Variants in SLC5A11 observed in about 807,000 individuals in gnomAD.
SLC5A11 encodes solute carrier family 5 member 11.
A neutral mutation model predicts 69.8 loss-of-function variants in SLC5A11; 48 were observed. The ratio of observed to expected loss-of-function variants is 0.69; its 90% confidence interval spans 0.55 to 0.87. The LOEUF (loss-of-function observed/expected upper bound fraction) is 0.87, where lower values mean the gene tolerates loss of function less well. SLC5A11 is among the 40% of genes least tolerant of loss of function. The pLI is 0.00. For missense variants in SLC5A11, 784 were observed against 866.1 expected (o/e 0.91, Z 1.19); for synonymous variants, 319 against 342.4 (o/e 0.93, Z 0.75).
At chr16:24,884,939 C>T (rs948046813) in intron 8 of SLC5A11, among the ~76,000 whole-genome samples, 3 of 151,972 alleles carry the variant, frequency 2.0e-5, no homozygotes, top group Non-Finnish European at 4.4e-5. Context: ...GATGGGGTTT[C>T]GTCATGTTGC....
chr16:24,860,789 T>C (rs2059735616), intron 2 of SLC5A11, among the ~76,000 whole-genome samples: 3 of 152,106 alleles, frequency 2.0e-5, no homozygotes, highest in East Asian at 1.9e-4. Flanking sequence ...CACTGCAAGC[T>C]CCACCTCCCA....
At chr16:24,902,331 A>T (rs972397270) in intron 10 of SLC5A11, among the ~76,000 whole-genome samples, 5 of 150,880 alleles carry the variant, frequency 3.3e-5, no homozygotes, top group Non-Finnish European at 7.4e-5. Context: ...TTAAGGGGGA[A>T]AAAAAAAAGG....
At chr16:24,907,863 G>A in intron 12 of SLC5A11, 100 bp from the exon 14 acceptor site, 2 of 1,504,478 alleles carry the variant, frequency 1.3e-6, no homozygotes, top group Non-Finnish European at 1.8e-6. Context: ...CCCGGCCTTG[G>A]CAACAGAACA....
At chr16:24,891,888 A>G (rs1233591900) in intron 9 of SLC5A11, among the ~76,000 whole-genome samples, 1 of 151,940 alleles carries the variant, frequency 6.6e-6, no homozygotes, top group East Asian at 1.9e-4. Flanking sequence ...TTTGATAAAT[A>G]TCATTTTAAA....
At chr16:24,848,646 C>T (rs1254728187) in intron 1 of SLC5A11, among the ~76,000 whole-genome samples, 1 of 152,090 alleles carries the variant, frequency 6.6e-6, no homozygotes, top group Non-Finnish European at 1.5e-5. Context: ...TTGGCATGTA[C>T]CTGTGGTCCC....
chr16:24,848,250 C>A (rs2059114971), intron 1 of SLC5A11, among the ~76,000 whole-genome samples: 1 of 152,090 alleles, frequency 6.6e-6, no homozygotes, highest in Admixed American at 6.6e-5. Context: ...ATGTTTTGAG[C>A]AGGAAAATGA....
exon 13 of SLC5A11, chr16:24,908,031 G>A: frequency 6.2e-7 from 1 of 1,613,674 alleles, no homozygotes; most frequent in Non-Finnish European, 8.5e-7. Flanking sequence ...AGCCAGGGCG[G>A]CCAGCTCTTC....
intron 7 of SLC5A11, among the ~76,000 whole-genome samples, chr16:24,883,583 G>T (rs553216608): frequency 6.6e-6 from 1 of 152,166 alleles, no homozygotes; most frequent in Non-Finnish European, 1.5e-5. Context: ...ATTATAGTTC[G>T]GTGTTAGGTG....
chr16:24,873,247 G>GAGGGAGGA (rs1183412615), intron 5 of SLC5A11, among the ~76,000 whole-genome samples: 110 of 101,480 alleles, frequency 1.1e-3, no homozygotes, highest in African/African-American at 2.2e-3. Flanking sequence ...GAGAGGGAGG[G>GAGGGAGGA]AGGAAGGAAG....
At chr16:24,880,289 A>G (rs767751483) in intron 7 of SLC5A11, among the ~76,000 whole-genome samples, 2 of 152,212 alleles carry the variant, frequency 1.3e-5, no homozygotes, top group African/African-American at 4.8e-5. Context: ...ACGTCCTACC[A>G]TGATGGAGCC....
chr16:24,891,730 A>T (rs2152374455), intron 9 of SLC5A11, among the ~76,000 whole-genome samples: 1 of 152,240 alleles, frequency 6.6e-6, no homozygotes, highest in South Asian at 2.1e-4. Flanking sequence ...ACAAATACAC[A>T]CTGGGTGTCC....
chr16:24,864,444 T>C (rs2046792934), intron 3 of SLC5A11, among the ~76,000 whole-genome samples: 1 of 152,130 alleles, frequency 6.6e-6, no homozygotes, highest in South Asian at 2.1e-4. Context: ...AAGAAAGTCA[T>C]GAAACAAACA....
intron 10 of SLC5A11, among the ~76,000 whole-genome samples, chr16:24,901,574 C>T (rs978692993): frequency 4.6e-5 from 7 of 151,934 alleles, no homozygotes. Context: ...ATGATCAGTG[C>T]ACTCCAGCCT....
In SLC5A11 at chr16:24,875,604, G is replaced by A. The variant is rs376126414; in HGVS notation, c.373-23G>A. The A allele has an allele frequency of 3.1e-5, 49 of 1,606,554 alleles. No individual in the cohort carries two copies. In the East Asian group the frequency reaches 1.0e-3, roughly 34 times the overall value. On this transcript the variant is annotated intron_variant, in intron 5 of 15. Coordinates refer to ENST00000347898, the Ensembl canonical transcript of SLC5A11. Reference sequence around the variant, plus strand: ...GCTGGTGGTGAAGTCCGCTGGTGGTGAAATCTCAGCTCTGGCCCTCAGGTC... The same window carrying A: ...GCTGGTGGTGAAGTCCGCTGGTGGTAAAATCTCAGCTCTGGCCCTCAGGTC...
At chr16:24,855,084 C>T (rs2059469169) in intron 1 of SLC5A11, among the ~76,000 whole-genome samples, 1 of 152,076 alleles carries the variant, frequency 6.6e-6, no homozygotes, top group Non-Finnish European at 1.5e-5. Flanking sequence ...CCTGCCTCAG[C>T]CTCCCAAGGT....
intron 7 of SLC5A11, among the ~76,000 whole-genome samples, chr16:24,882,459 C>A (rs1002511404): frequency 6.6e-6 from 1 of 152,096 alleles, no homozygotes; most frequent in African/African-American, 2.4e-5. Context: ...GAGAGCACCT[C>A]ACCCACGGGC....
At chr16:24,906,488 G>A (rs372884730) in intron 10 of SLC5A11, among the ~76,000 whole-genome samples, 169 bp from the exon 12 acceptor site, 4 of 151,792 alleles carry the variant, frequency 2.6e-5, no homozygotes, top group Non-Finnish European at 4.4e-5. Flanking sequence ...AGGGCAACTC[G>A]TCTCAGAAAG....
exon 16 of SLC5A11, chr16:24,911,390 G>A: frequency 2.5e-6 from 4 of 1,614,114 alleles, no homozygotes; most frequent in Middle Eastern, 1.6e-4. Context: ...TGGAATACAG[G>A]AGAAGGGCAA....
At chr16:24,848,790 G>A (rs1225041176) in intron 1 of SLC5A11, among the ~76,000 whole-genome samples, 1 of 151,920 alleles carries the variant, frequency 6.6e-6, no homozygotes, top group African/African-American at 2.4e-5. Flanking sequence ...TAAAAATTAA[G>A]TAAATTAAAA....
Sources: gnomAD v4.1 joint callset for allele counts (sites outside exome capture counted in the v4.1 genomes callset) on GRCh38, gnomAD v4.1.1 for gene constraint, MANE v1.5 for transcripts, NCBI Gene and HGNC (gene_info 2026-07-23, HGNC 2026-07-21) for gene names.